Variants in MYH2 observed in about 807,000 individuals in gnomAD.
The protein encoded by MYH2 is myosin-2.
MYH2 carries 139 observed loss-of-function variants against 228.1 expected under a neutral mutation model. That is an observed-to-expected ratio of 0.61 (90% CI 0.53 to 0.70). The LOEUF is 0.70. MYH2 is among the 30% of genes least tolerant of loss of function. MYH2 has a pLI of 0.00. For synonymous variants in MYH2, 796 were observed against 871.1 expected, an observed-to-expected ratio of 0.91 and a Z score of 1.52; for missense variants, 1,809 against 2,357.5, an observed-to-expected ratio of 0.77 and a Z score of 4.82.
chr17:10,525,453 T>C lies in MYH2; in HGVS notation c.4535A>G (p.Gln1512Arg). The C allele has an allele frequency of 6.2e-7, 1 of 1,614,148 alleles. No homozygotes were observed. Among genetic ancestry groups the C allele is most frequent in the Non-Finnish European group, 8.5e-7 (1 of 1,179,980 alleles). The change falls in exon 32 of 40, where the codon CAG (glutamine) becomes CGG (arginine). Residue 1512 changes from glutamine to arginine, a missense_variant and splice_region_variant. This residue lies in a region of MYH2 where 636 missense variants were observed against 729.9 expected (regional missense o/e 0.87). Coordinates refer to ENST00000245503, the MANE Select transcript of MYH2 (RefSeq NM_017534.6). This position sits in a 1 kb window ranked among gnomAD's most constrained non-coding sequence, Gnocchi z 4.2. Reference protein sequence around the residue: ...ETLKRENKNLQQEISDLTEQI... With the variant: ...ETLKRENKNLRQEISDLTEQI... Reference sequence around the variant, plus strand: ...TATTGAATATGATAGGGACTTACGCTGTAAGTTTTTGTTCTCTCGCTTCAG... The same window carrying C: ...TATTGAATATGATAGGGACTTACGCCGTAAGTTTTTGTTCTCTCGCTTCAG...
chr17:10,529,417 A>G lies in MYH2; in HGVS notation c.3182T>C (p.Leu1061Pro). The G allele has an allele frequency of 6.2e-7, 1 of 1,614,138 alleles. No homozygotes were observed. The highest frequency in any genetic ancestry group is 8.5e-7 in the Non-Finnish European group (1 of 1,180,032). ...RMDLERAKRKLEGDLKLAQES... is the reference protein window; with the variant it reads ...RMDLERAKRKPEGDLKLAQES... ...TTGGGCCAACTTCAAGTCACCCTCA[A>G]GTTTCCTCTTAGCCCTTTCTAGGTC... is the stretch of plus-strand genomic sequence containing the variant. Residue 1061 changes from leucine to proline, a missense_variant, in exon 25 of 40, where the codon CTT (leucine) becomes CCT (proline). Leu to Pro is a moderately conservative substitution (Grantham distance 98). Coordinates refer to ENST00000245503, the MANE Select transcript of MYH2 (RefSeq NM_017534.6).
chr17:10,545,021 G>GTGTGTGTGTGTT (rs1394486174), intron 5 of MYH2, among the ~76,000 whole-genome samples: 1 of 151,918 alleles, frequency 6.6e-6, no homozygotes, highest in East Asian at 1.9e-4. Context: ...ATGAGTGTGT[G>GTGTGTGTGTGTT]TGTGTGTGTG....
chr17:10,521,641 T>C (rs772556175), intron 39 of MYH2, among the ~76,000 whole-genome samples: 5 of 151,708 alleles, frequency 3.3e-5, no homozygotes, highest in Non-Finnish European at 7.4e-5. Flanking sequence ...CATTCCTATT[T>C]TGGCAACCAA....
chr17:10,532,126 T>C (rs2073432235), intron 21 of MYH2, among the ~76,000 whole-genome samples: 1 of 152,224 alleles, frequency 6.6e-6, no homozygotes, highest in Admixed American at 6.5e-5. Context: ...GTTAAAATAC[T>C]GACTCCTGAA....
Position 10,523,380 on chromosome 17 carries a change from C to T in MYH2, c.5505G>A (p.Glu1835=). ...VRELEGEVES[E]QKRNAEAVKG... is the part of the protein sequence containing the mutation. ...TGACAGCCTCAGCATTACGCTTTTG[C>T]TCACTCTCAACCTCTCCTTCCAGCT... is the stretch of plus-strand genomic sequence containing the variant. Residue 1835 remains glutamate, a synonymous_variant, in exon 38 of 40, where the codon GAG becomes GAA. Coordinates refer to ENST00000245503, the MANE Select transcript of MYH2 (RefSeq NM_017534.6). The T allele has an allele frequency of 6.2e-7, 1 of 1,614,174 alleles. No individual in the cohort carries two copies. The highest frequency in any genetic ancestry group is 8.5e-7 in the Non-Finnish European group (1 of 1,180,032).
intron 19 of MYH2, among the ~76,000 whole-genome samples, chr17:10,534,662 A>T (rs1277120144): frequency 1.3e-5 from 2 of 152,186 alleles, no homozygotes; most frequent in African/African-American, 2.4e-5. Flanking sequence ...CATGCCTGTA[A>T]TCCCAAAACT....
At chr17:10,523,454 C>T (rs773859708) in intron 37 of MYH2, 42 bp from the exon 38 acceptor site, 1 of 1,614,190 alleles carries the variant, frequency 6.2e-7, no homozygotes, top group South Asian at 1.1e-5. Context: ...TCCAATAAGG[C>T]ACTGAAAGCA....
In MYH2 at chr17:10,546,877, C is replaced by T. The variant is rs528836172; in HGVS notation, c.348+598G>A. 1.1e-4 allele frequency among the ~76,000 whole-genome samples: 17 copies of T among 150,912 alleles called. 1 individual carries two copies. Among genetic ancestry groups the T allele is most frequent in the African/African-American group, 2.7e-4 (11 of 41,022 alleles). On this transcript the variant is annotated intron_variant, in intron 4 of 39. Coordinates refer to ENST00000245503, the MANE Select transcript of MYH2 (RefSeq NM_017534.6). ...GGCGGATCATTTGAGCCCAGGAGTTCGAGACCAGTCTGGGCAACATAGTGA... is the reference window on the plus strand; with the variant it reads ...GGCGGATCATTTGAGCCCAGGAGTTTGAGACCAGTCTGGGCAACATAGTGA...
In MYH2 at chr17:10,527,878, T is replaced by C. The variant is rs1339984001; in HGVS notation, c.3745-4A>G. ...GGCACATTTTCTCTAGGTTTCCCTA[T>C]AGAAGAAAAAGTAAAAGAAGAAAAC... is the stretch of plus-strand genomic sequence containing the variant. On this transcript the variant is annotated splice_region_variant and splice_polypyrimidine_tract_variant and intron_variant, in intron 27 of 39. Transcript: ENST00000245503. The C allele has an allele frequency of 1.2e-6, 2 of 1,612,698 alleles. No individual in the cohort carries two copies. The highest frequency in any genetic ancestry group is 2.2e-5 in the East Asian group (1 of 44,880).
chr17:10,521,331 T>A lies in MYH2; in HGVS notation c.5775A>T (p.Lys1925Asn), dbSNP rs189923122. The A allele has an allele frequency of 1.2e-6, 2 of 1,614,138 alleles. No individual in the cohort carries two copies. Among genetic ancestry groups the A allele is most frequent in the African/African-American group, 2.7e-5 (2 of 75,042 alleles). Reference sequence around the variant, plus strand: ...GAACCTCCCGGCTCTTCACCCGCAGTTTGTTCACCTGGGACTCAGCAATGT... The same window carrying A: ...GAACCTCCCGGCTCTTCACCCGCAGATTGTTCACCTGGGACTCAGCAATGT... ...RADIAESQVNKLRVKSREVHT... is the reference protein window; with the variant it reads ...RADIAESQVNNLRVKSREVHT... Residue 1925 changes from lysine to asparagine, a missense_variant, in exon 40 of 40, where the codon AAA becomes AAT. Around this residue, in one of 9 missense-constraint regions of MYH2, gnomAD observed 278 missense variants for 308.5 expected, o/e 0.90. Transcript: ENST00000245503.
Position 10,536,583 on chromosome 17 carries a change from TC to T in MYH2, c.1920del (p.Gly642ValfsTer20), listed in dbSNP as rs1230553094. On this transcript the variant is annotated frameshift_variant, in exon 17 of 40. Coordinates refer to ENST00000245503, the MANE Select transcript of MYH2 (RefSeq NM_017534.6). LOFTEE classifies it high-confidence loss of function. ...GAAGAGCCCTTCTTCTTACCACCTT[TC>T]TTGGCCCCTCCACCAGCTCCCTCTG... is the stretch of plus-strand genomic sequence containing the variant. ...AEGEGAGGGAKKGGKKKGSSF... is the reference protein window; with the variant it reads ...AEGEGAGGGAXKGGKKKGSSF... 6.2e-6 allele frequency: 10 copies of T among 1,613,820 alleles called. No homozygotes were observed. Among genetic ancestry groups the T allele is most frequent in the Admixed American group, 3.3e-5 (2 of 59,980 alleles).
At chr17:10,533,688 C>A in intron 19 of MYH2, 56 bp from the exon 20 acceptor site, 1 of 1,578,574 alleles carries the variant, frequency 6.3e-7, no homozygotes, top group Non-Finnish European at 8.7e-7. Flanking sequence ...CAAATGCTAG[C>A]TAAACATTAA....
Position 10,525,726 on chromosome 17 carries a change from G to C in MYH2, c.4338C>G (p.Ala1446=). The C allele has an allele frequency of 1.2e-6, 2 of 1,614,136 alleles. No homozygotes were observed. Among genetic ancestry groups the C allele is most frequent in the Non-Finnish European group, 1.7e-6 (2 of 1,180,026 alleles). Residue 1446 remains alanine (A), a synonymous_variant, in exon 31 of 40, where the codon GCC becomes GCG. Coordinates refer to ENST00000245503, the MANE Select transcript of MYH2 (RefSeq NM_017534.6). The surrounding 1 kb of genome is among the most constrained non-coding windows in gnomAD (Gnocchi z 4.2). ...AGTTCCTTTGCTTTTTGTCAAGGGC[G>C]GCACAGGCGGCATTTGTCCTCTCCA... ...LDVERTNAAC[A]ALDKKQRNFD...
rs1159644040 is a variant in MYH2 at position 10,531,864 on chromosome 17, G to A, written c.2466C>T (p.Tyr822=). ...ERREAIFCIQ[Y]NIRSFMNVKH... ...TGACATTCATGAAGGATCTGATATT[G>A]TACTGGATACAGAAGATGGCCTCCC... is the stretch of plus-strand genomic sequence containing the variant. The change falls in exon 22 of 40, where the codon TAC becomes TAT. Residue 822 remains tyrosine (Y), a synonymous_variant. Coordinates refer to ENST00000245503, the MANE Select transcript of MYH2 (RefSeq NM_017534.6). 1 of 1,614,096 alleles carries A rather than the reference G, an allele frequency of 6.2e-7. No homozygotes were observed. The highest frequency in any genetic ancestry group is 1.1e-5 in the South Asian group (1 of 91,086).
At chr17:10,543,561 C>A in intron 8 of MYH2, 150 bp downstream of exon 8, 2 of 1,209,240 alleles carry the variant, frequency 1.7e-6, no homozygotes, top group Non-Finnish European at 2.4e-6. Context: ...CAAGATGGGG[C>A]TTTGATCTAT....
At chr17:10,522,199 A>C (rs2073292860) in intron 39 of MYH2, among the ~76,000 whole-genome samples, 1 of 152,194 alleles carries the variant, frequency 6.6e-6, no homozygotes, top group South Asian at 2.1e-4. Context: ...GTTCCTTGAA[A>C]TTTTGAAAGA....
Position 10,542,273 on chromosome 17 carries a change from C to CAACAAACAAACAAACA in MYH2, c.904+586_904+601dup, listed in dbSNP as rs71365774. On this transcript the variant is annotated intron_variant, in intron 10 of 39. Coordinates refer to ENST00000245503, the MANE Select transcript of MYH2 (RefSeq NM_017534.6). The stretch of plus-strand genomic sequence containing the variant: ...TGGGTGACAAAGTGAGACTCCATCT[C>CAACAAACAAACAAACA]AACAAACAAACAAACAAACAAACAA... Among the ~76,000 whole-genome samples the CAACAAACAAACAAACA allele has an allele frequency of 6.8e-3, 1,033 of 151,032 alleles. 6 individuals carry two copies. The highest frequency in any genetic ancestry group is 0.011 in the Non-Finnish European group (769 of 67,778).
chr17:10,532,412 G>A (rs2073435830), intron 21 of MYH2, among the ~76,000 whole-genome samples: 2 of 152,074 alleles, frequency 1.3e-5, no homozygotes, highest in East Asian at 1.9e-4. Context: ...TTAATGTTGT[G>A]TGAATTTTGT....
rs754058721 is a variant in MYH2, at chr17:10,529,173, T to C, written c.3343A>G (p.Lys1115Glu). The change falls in exon 26 of 40, where the codon AAA becomes GAA. Residue 1115 changes from lysine to glutamate, a missense_variant. Around this residue, in one of 9 missense-constraint regions of MYH2, gnomAD observed 636 missense variants for 729.9 expected, o/e 0.87. Coordinates refer to ENST00000245503, the MANE Select transcript of MYH2 (RefSeq NM_017534.6). The stretch of plus-strand genomic sequence containing the variant: ...AATCATGTACTTACTTGCAATTCTT[T>C]AATTTTCTTCTGCAATTGAATGCCA... ...ALGIQLQKKI[K>E]ELQARIEELE... 3 of 1,614,254 alleles carry C rather than the reference T, an allele frequency of 1.9e-6. No homozygotes were observed. Among genetic ancestry groups the C allele is most frequent in the Non-Finnish European group, 2.5e-6 (3 of 1,180,046 alleles).
Sources: allele counts gnomAD v4.1 joint callset (sites outside exome capture counted in the v4.1 genomes callset), GRCh38; gene constraint gnomAD v4.1.1; regional missense constraint gnomAD v4.1.1; non-coding constraint Gnocchi (gnomAD v3.1); transcripts MANE v1.5; gene names NCBI Gene and HGNC (gene_info 2026-07-23, HGNC 2026-07-21).